The following PCDH11X variants were observed in gnomAD, a reference collection of about 807,000 sequenced individuals.
The protein encoded by PCDH11X is protocadherin-11 X-linked.
PCDH11X carries 18 observed loss-of-function variants against 53.3 expected under a neutral mutation model. That is an observed-to-expected ratio of 0.34 (90% CI 0.23 to 0.50). The LOEUF (loss-of-function observed/expected upper bound fraction) is 0.50, where lower values mean the gene tolerates loss of function less well. Ranked by LOEUF, PCDH11X falls within the 20% of genes least tolerant of loss-of-function variation. PCDH11X has a pLI of 0.98. For missense variants in PCDH11X, 570 were observed against 1,032.4 expected (o/e 0.55, Z 6.14); for synonymous variants, 279 against 393.3 (o/e 0.71, Z 3.44).
intron 8 of PCDH11X, among the ~76,000 whole-genome samples, chrX:92,287,256 T>G (rs2068394840): frequency 9.0e-6 from 1 of 111,406 alleles, no homozygotes; most frequent in South Asian, 3.7e-4. Context: ...GAGCCATGAT[T>G]GTTTGTTGAA....
At chrX:92,072,234 G>A (rs756613165) in intron 6 of PCDH11X, among the ~76,000 whole-genome samples, 486 of 110,679 alleles carry the variant, frequency 4.4e-3, no homozygotes, top group African/African-American at 0.016. Context: ...TGCTGTCCAA[G>A]AGCCTAGGCG....
intron 6 of PCDH11X, among the ~76,000 whole-genome samples, chrX:91,918,869 T>C (rs1480736602): frequency 9.0e-6 from 1 of 111,077 alleles, no homozygotes. Flanking sequence ...CTCTCTCTTT[T>C]CAAATATGAA....
rs749399819 is a variant in PCDH11X, at chrX:92,201,395, A to G, written c.3054A>G (p.Arg1018=). ...TAAAGCCAATGAAGGAGGTTGTGCG[A>G]TCTTGCACCCCCATGAAAGAGTCTA... ...HTRPPMKEVV[R]SCTPMKESTT... is the part of the protein sequence containing the mutation. Residue 1018 remains arginine, a synonymous_variant, in exon 7 of 11, where the codon CGA becomes CGG. Coordinates refer to ENST00000682573, the MANE Select transcript of PCDH11X (RefSeq NM_032968.5). 56 of 1,204,510 alleles carry G rather than the reference A, an allele frequency of 4.6e-5. No homozygotes were observed. The highest frequency in any genetic ancestry group is 6.2e-5 in the Non-Finnish European group (55 of 890,899).
chrX:92,168,196 C>A (rs927608586), intron 6 of PCDH11X, among the ~76,000 whole-genome samples: 1 of 103,421 alleles, frequency 9.7e-6, no homozygotes, highest in African/African-American at 3.5e-5. Flanking sequence ...AATCCACCCA[C>A]GTCAGCCTCC....
chrX:92,541,497 A>G (rs868002288), intron 10 of PCDH11X, among the ~76,000 whole-genome samples: 57 of 111,333 alleles, frequency 5.1e-4, no homozygotes, highest in Middle Eastern at 4.7e-3. Flanking sequence ...ATATGAATTT[A>G]AACCATGTAC....
At chrX:92,223,590 T>A (rs1012419547) in intron 7 of PCDH11X, among the ~76,000 whole-genome samples, 1 of 112,105 alleles carries the variant, frequency 8.9e-6, no homozygotes, top group Non-Finnish European at 1.9e-5. Flanking sequence ...GGCAACATAT[T>A]ATGTCACATA....
intron 10 of PCDH11X, among the ~76,000 whole-genome samples, chrX:92,504,246 G>A (rs190495778): frequency 9.4e-6 from 1 of 106,301 alleles, no homozygotes; most frequent in Non-Finnish European, 1.9e-5. Flanking sequence ...ATAGTTTTTC[G>A]ATCCTCACTC....
In PCDH11X at chrX:92,532,183, G is replaced by C. The variant is rs772427747; in HGVS notation, c.3367+63861G>C. Among the ~76,000 whole-genome samples, 3 of 111,419 alleles carry C rather than the reference G, an allele frequency of 2.7e-5. No homozygotes were observed. The East Asian group carries it at 8.5e-4, about 32-fold the overall frequency. On this transcript the variant is annotated intron_variant, in intron 10 of 10. Transcript: ENST00000682573. The stretch of plus-strand genomic sequence containing the variant: ...ATTCTCCCAGAGTTACCTAGAGAAG[G>C]AGAGAGAGGACATCAATAGGAAACT...
intron 6 of PCDH11X, among the ~76,000 whole-genome samples, chrX:91,960,219 G>T (rs2061767784): frequency 1.0e-5 from 1 of 100,453 alleles, no homozygotes; most frequent in African/African-American, 3.7e-5. Context: ...CATTCTTTAG[G>T]TTGCCTCTTC....
At chrX:92,107,825 C>T (rs2064418456) in intron 6 of PCDH11X, among the ~76,000 whole-genome samples, 1 of 112,084 alleles carries the variant, frequency 8.9e-6, no homozygotes, top group African/African-American at 3.2e-5. Flanking sequence ...ATGTCATGGG[C>T]CATGGTCACT....
intron 6 of PCDH11X, among the ~76,000 whole-genome samples, chrX:92,022,148 A>G (rs1370065423): frequency 9.3e-6 from 1 of 107,806 alleles, no homozygotes; most frequent in Non-Finnish European, 1.9e-5. Context: ...TCATGCTGAC[A>G]ATATCAAATT....
At chrX:92,131,526 C>T (rs113856906) in intron 6 of PCDH11X, among the ~76,000 whole-genome samples, 3,669 of 111,165 alleles carry the variant, frequency 0.033, 154 homozygotes, top group African/African-American at 0.11. Context: ...TTTCTGCAAC[C>T]GGTTACAGGG....
At chrX:92,331,562 A>C (rs1451382944) in intron 8 of PCDH11X, among the ~76,000 whole-genome samples, 4 of 109,216 alleles carry the variant, frequency 3.7e-5, no homozygotes, top group Non-Finnish European at 5.7e-5. Flanking sequence ...TGAATATAAA[A>C]AAGGAAATAG....
intron 10 of PCDH11X, among the ~76,000 whole-genome samples, chrX:92,535,001 A>G (rs913898985): frequency 9.0e-6 from 1 of 111,536 alleles, no homozygotes; most frequent in Non-Finnish European, 1.9e-5. Flanking sequence ...CATAACGGCA[A>G]CTACTAAAAA....
At chrX:92,508,288 A>T (rs1348209068) in intron 10 of PCDH11X, among the ~76,000 whole-genome samples, 4 of 108,957 alleles carry the variant, frequency 3.7e-5, no homozygotes, top group African/African-American at 1.3e-4. Context: ...CAGTGGCATG[A>T]TCTAGGCTCA....
intron 8 of PCDH11X, among the ~76,000 whole-genome samples, chrX:92,279,435 G>A (rs1274712926): frequency 3.6e-5 from 4 of 111,768 alleles, no homozygotes; most frequent in South Asian, 3.7e-4. Flanking sequence ...AATATTTTCC[G>A]TAGTCAGCAT....
intron 4 of PCDH11X, among the ~76,000 whole-genome samples, chrX:91,828,183 G>C: frequency 9.8e-6 from 1 of 102,049 alleles, no homozygotes; most frequent in East Asian, 3.1e-4. Context: ...GCAGTGGAGC[G>C]ATCTCAGCTC....
chrX:92,467,044 T>C (rs766546202), intron 9 of PCDH11X, among the ~76,000 whole-genome samples: 4 of 111,346 alleles, frequency 3.6e-5, no homozygotes, highest in Admixed American at 2.9e-4. Flanking sequence ...TTTCTTATCA[T>C]TGAAGTAGAA....
chrX:92,499,421 G>T (rs2073916345), intron 10 of PCDH11X, among the ~76,000 whole-genome samples: 1 of 76,867 alleles, frequency 1.3e-5, no homozygotes, highest in African/African-American at 4.3e-5. Context: ...ATAGATGGAA[G>T]TGCCTCTCCT....
Sources: gnomAD v4.1 joint callset for allele counts (sites outside exome capture counted in the v4.1 genomes callset) on GRCh38, gnomAD v4.1.1 for gene constraint, MANE v1.5 for transcripts, NCBI Gene and HGNC (gene_info 2026-07-23, HGNC 2026-07-21) for gene names.